ENAH: variants seen among roughly 807,000 people sequenced by gnomAD.
ENAH encodes protein enabled homolog.
In ENAH, 23 loss-of-function variants were observed where a neutral mutation model predicts 78.7. The observed-to-expected ratio is 0.29, with a 90% CI of 0.21 to 0.41. The LOEUF (loss-of-function observed/expected upper bound fraction) is 0.41, where lower values mean the gene tolerates loss of function less well. ENAH is among the 10% of genes least tolerant of loss of function. The probability of loss-of-function intolerance (pLI) is 1.00; values close to 1 mark genes in which losing one functional copy is unlikely to be tolerated. For synonymous variants in ENAH, 226 were observed against 241.0 expected (o/e 0.94, Z 0.58); for missense variants, 544 against 691.0 (o/e 0.79, Z 2.39).
intron 1 of ENAH, among the ~76,000 whole-genome samples, chr1:225,606,635 G>A (rs951802711): frequency 2.6e-5 from 4 of 151,610 alleles, no homozygotes; most frequent in African/African-American, 9.7e-5. Context: ...ATCAGTTGAG[G>A]CCAGGAGACC....
intron 1 of ENAH, among the ~76,000 whole-genome samples, chr1:225,605,313 A>G (rs2096951225): frequency 6.6e-6 from 1 of 152,222 alleles, no homozygotes; most frequent in African/African-American, 2.4e-5. Context: ...AGAAAAGACC[A>G]GTAAGAACAT....
intron 3 of ENAH, among the ~76,000 whole-genome samples, chr1:225,534,480 TAC>T (rs977209605): frequency 2.0e-5 from 3 of 152,090 alleles, no homozygotes; most frequent in Non-Finnish European, 4.4e-5. Flanking sequence ...AGAAAGTACA[TAC>T]ATTTTAAAAT....
intron 3 of ENAH, among the ~76,000 whole-genome samples, chr1:225,541,414 G>A (rs940675578): frequency 3.3e-5 from 5 of 151,880 alleles, no homozygotes; most frequent in African/African-American, 1.2e-4. Flanking sequence ...CAGCCCGGGC[G>A]ACAGAGTGAG....
In ENAH at chr1:225,642,722, T is replaced by C. The variant is rs150617071; in HGVS notation, c.5+9964A>G. The stretch of plus-strand genomic sequence containing the variant: ...GGATACGATATATGTATATGCACTA[T>C]GAAGAGTTAATATCCTCATTATTAT... On this transcript the variant is annotated intron_variant, in intron 1 of 13. Transcript: ENST00000366843. 1.2e-4 allele frequency among the ~76,000 whole-genome samples: 18 copies of C among 152,280 alleles called. No homozygotes were observed. The East Asian group carries it at 3.5e-3, about 29-fold the overall frequency.
intron 1 of ENAH, among the ~76,000 whole-genome samples, chr1:225,607,348 A>T (rs1211973230): frequency 6.6e-6 from 1 of 152,232 alleles, no homozygotes; most frequent in Non-Finnish European, 1.5e-5. Flanking sequence ...TGGGTTGGAC[A>T]AGCTTGCTCT....
chr1:225,616,541 G>A (rs915496952), intron 1 of ENAH, among the ~76,000 whole-genome samples: 1 of 151,980 alleles, frequency 6.6e-6, no homozygotes, highest in African/African-American at 2.4e-5. Context: ...TGGTTGAAAT[G>A]CGGATTCACA....
intron 3 of ENAH, among the ~76,000 whole-genome samples, chr1:225,553,769 A>ACCAGG (rs1410973611): frequency 6.6e-6 from 1 of 152,216 alleles, no homozygotes; most frequent in Admixed American, 6.5e-5. Flanking sequence ...TTAGAGACAC[A>ACCAGG]CCAGGCCAAG....
At chr1:225,543,589 T>G (rs1425724068) in intron 3 of ENAH, among the ~76,000 whole-genome samples, 1 of 152,222 alleles carries the variant, frequency 6.6e-6, no homozygotes, top group Non-Finnish European at 1.5e-5. Flanking sequence ...TTACTTACAC[T>G]GCCTTGTGGA....
At chr1:225,516,396 G>A (rs1456810591) in intron 6 of ENAH, among the ~76,000 whole-genome samples, 3 of 152,226 alleles carry the variant, frequency 2.0e-5, no homozygotes, top group Admixed American at 2.0e-4. Context: ...TATAGGAAAG[G>A]CAAGAAGGAA....
intron 1 of ENAH, among the ~76,000 whole-genome samples, chr1:225,600,445 T>C (rs547860806): frequency 6.6e-6 from 1 of 152,338 alleles, no homozygotes; most frequent in Admixed American, 6.5e-5. Context: ...TAAATCCTTA[T>C]GTTAGGTTGG....
At chr1:225,505,700 T>A (rs1186156729) in intron 11 of ENAH, among the ~76,000 whole-genome samples, 1 of 152,228 alleles carries the variant, frequency 6.6e-6, no homozygotes, top group Non-Finnish European at 1.5e-5. Flanking sequence ...CTTACTCTTT[T>A]AAACATATTT....
chr1:225,520,922 AAGGGAGGGAGGG>A (rs68163613), intron 4 of ENAH, among the ~76,000 whole-genome samples: 9,938 of 59,954 alleles, frequency 0.17, 1,169 homozygotes, highest in African/African-American at 0.22. Context: ...GGAAGGGAGG[AAGGGAGGGAGGG>A]AGGGAGGGAG....
chr1:225,553,717 A>G (rs1272072426), intron 3 of ENAH, among the ~76,000 whole-genome samples: 1 of 152,236 alleles, frequency 6.6e-6, no homozygotes, highest in Non-Finnish European at 1.5e-5. Flanking sequence ...GAAATGACCT[A>G]CATACAAGAC....
chr1:225,559,349 C>A (rs1490185228), intron 2 of ENAH, among the ~76,000 whole-genome samples: 1 of 152,150 alleles, frequency 6.6e-6, no homozygotes, highest in Admixed American at 6.5e-5. Context: ...AGCATATATA[C>A]AATTTTGAAA....
chr1:225,555,015 C>A lies in ENAH; in HGVS notation c.240G>T (p.Trp80Cys). ...GACCATACACCTGTCTAGCATCTCG[C>A]CACTGGTGGAAGGTCTGTGTAGCTT... ...YNQATQTFHQWRDARQVYGLN... is the reference protein window; with the variant it reads ...YNQATQTFHQCRDARQVYGLN... The change falls in exon 3 of 14, where the codon TGG (tryptophan) becomes TGT (cysteine). Residue 80 changes from tryptophan to cysteine, a missense_variant. Physicochemically the swap from Trp to Cys is radical, Grantham distance 215 (BLOSUM62 -2). Coordinates refer to ENST00000366843, the MANE Select transcript of ENAH (RefSeq NM_018212.6). The A allele has an allele frequency of 6.2e-7, 1 of 1,608,608 alleles. No individual in the cohort carries two copies. Among genetic ancestry groups the A allele is most frequent in the Non-Finnish European group, 8.5e-7 (1 of 1,175,682 alleles).
At chr1:225,513,950 T>C (rs2096396786) in intron 7 of ENAH, among the ~76,000 whole-genome samples, 1 of 151,546 alleles carries the variant, frequency 6.6e-6, no homozygotes, top group Admixed American at 6.6e-5. Context: ...GATCGCGCCA[T>C]GGCACTCCAG....
chr1:225,523,742 C>G (rs2096486419), intron 4 of ENAH, among the ~76,000 whole-genome samples: 1 of 152,116 alleles, frequency 6.6e-6, no homozygotes, highest in Non-Finnish European at 1.5e-5. Context: ...AAATTTGACT[C>G]TCATGTTTTG....
intron 3 of ENAH, among the ~76,000 whole-genome samples, chr1:225,547,140 C>T (rs2096618617): frequency 1.3e-5 from 2 of 151,662 alleles, no homozygotes; most frequent in African/African-American, 4.9e-5. Flanking sequence ...GGTGCAATCT[C>T]GGCTCATTGC....
intron 2 of ENAH, among the ~76,000 whole-genome samples, chr1:225,555,581 CAAA>C (rs146999797): frequency 7.9e-6 from 1 of 126,422 alleles, no homozygotes; most frequent in African/African-American, 3.0e-5. Context: ...GACTCTGTCT[CAAA>C]AAAAAAAAAA....
Sources: allele counts gnomAD v4.1 joint callset (sites outside exome capture counted in the v4.1 genomes callset), GRCh38; gene constraint gnomAD v4.1.1; transcripts MANE v1.5; gene names NCBI Gene and HGNC (gene_info 2026-07-23, HGNC 2026-07-21).